MLANA: variants seen among roughly 807,000 people sequenced by gnomAD.
The protein encoded by MLANA is melanoma antigen recognized by T-cells 1.
A neutral mutation model predicts 15.7 loss-of-function variants in MLANA; 21 were observed. The ratio of observed to expected loss-of-function variants is 1.33; its 90% CI spans 0.95 to 1.92. The LOEUF is 1.92. MLANA is among the 40% of genes most tolerant of loss of function. MLANA has a pLI of 0.00. For missense variants in MLANA, 164 were observed against 143.8 expected, an observed-to-expected ratio of 1.14 and a Z score of -0.72; for synonymous variants, 56 against 51.5, an observed-to-expected ratio of 1.09 and a Z score of -0.37.
chr9:5,906,161 G>A (rs1431702942), intron 3 of MLANA, among the ~76,000 whole-genome samples: 60 of 150,052 alleles, frequency 4.0e-4, no homozygotes, highest in African/African-American at 1.4e-3. Context: ...GACCAGCCTA[G>A]GCAACTTAGC....
Position 5,908,257 on chromosome 9 carries a change from T to C in MLANA, c.289-383T>C, listed in dbSNP as rs74532205. Among the ~76,000 whole-genome samples the C allele has an allele frequency of 7.5e-3, 1,144 of 152,336 alleles. 15 individuals are homozygous for C. Among genetic ancestry groups the C allele is most frequent in the African/African-American group, 0.026 (1,096 of 41,568 alleles). The stretch of plus-strand genomic sequence containing the variant: ...GGATACAATATCCTCTTGTTTTATA[T>C]TTGGTAGTATCAATGTGCCTTTAGA... On this transcript the variant is annotated intron_variant, in intron 4 of 4. Transcript: ENST00000381477.
intron 1 of MLANA, 80 bp from the exon 2 acceptor site, chr9:5,892,370 A>G (rs1039870984): frequency 1.0e-6 from 1 of 954,052 alleles, no homozygotes; most frequent in South Asian, 1.9e-5. Flanking sequence ...CCTAGTGAGG[A>G]TGCTGTTGTG....
intron 3 of MLANA, among the ~76,000 whole-genome samples, chr9:5,898,542 G>T (rs1832196758): frequency 6.6e-6 from 1 of 152,148 alleles, no homozygotes; most frequent in African/African-American, 2.4e-5. Flanking sequence ...TATAGCACCT[G>T]TCTCTTTGGT....
intron 3 of MLANA, among the ~76,000 whole-genome samples, chr9:5,905,123 T>A (rs79799070): frequency 2.0e-5 from 3 of 152,266 alleles, no homozygotes; most frequent in East Asian, 3.9e-4. Flanking sequence ...GTTTGCAACA[T>A]ACATTTACAA....
chr9:5,893,806 C>T (rs191965915), intron 2 of MLANA, among the ~76,000 whole-genome samples: 64 of 152,264 alleles, frequency 4.2e-4, no homozygotes, highest in African/African-American at 1.5e-3. Context: ...GATGTTGTGC[C>T]ATCACCTCCA....
intron 3 of MLANA, among the ~76,000 whole-genome samples, chr9:5,906,193 A>T (rs918910176): frequency 6.6e-6 from 1 of 151,296 alleles, no homozygotes; most frequent in African/African-American, 2.4e-5. Context: ...TCTTAAAAAA[A>T]AAAAAAGAAA....
chr9:5,907,871 T>C (rs552660386), intron 4 of MLANA, among the ~76,000 whole-genome samples: 1 of 152,334 alleles, frequency 6.6e-6, no homozygotes, highest in African/African-American at 2.4e-5. Context: ...GAGAATCACT[T>C]GAACCCGGGA....
intron 1 of MLANA, 49 bp from the exon 2 acceptor site, chr9:5,892,401 T>C (rs1831712226): frequency 3.0e-6 from 4 of 1,352,962 alleles, no homozygotes; most frequent in Non-Finnish European, 4.1e-6. Context: ...AGATGATGAA[T>C]AGGGTGGCTT....
At position 5,897,569 on chromosome 9, in the gene MLANA, C is replaced by T. The variant is rs756181750; in HGVS notation, c.90C>T (p.Ile30=). The T allele has an allele frequency of 2.4e-5, 39 of 1,613,980 alleles. No individual in the cohort carries two copies. The South Asian group carries it at 2.7e-4, about 11-fold the overall frequency. The part of the protein sequence containing the change: ...SYTTAEEAAG[I]GILTVILGVL... Reference sequence around the variant, plus strand: ...TCTCTTGGGCCAGGGCCGCTGGGATCGGCATCCTGACAGTGATCCTGGGAG... The same window carrying T: ...TCTCTTGGGCCAGGGCCGCTGGGATTGGCATCCTGACAGTGATCCTGGGAG... Residue 30 remains isoleucine, a synonymous_variant, in exon 3 of 5, where the codon ATC becomes ATT. Coordinates refer to ENST00000381477, the MANE Select transcript of MLANA (RefSeq NM_005511.2).
In MLANA at chr9:5,894,061, G is replaced by A. The variant is rs1487185572; in HGVS notation, c.77+1510G>A. ...TTGCCTCCAGAGTCCATGCTCTTAA[G>A]TGTTATGCTGCAGGCCAGCAGAGGC... is the stretch of plus-strand genomic sequence containing the variant. On this transcript the variant is annotated intron_variant, in intron 2 of 4. Transcript: ENST00000381477. This position sits in a 1 kb window ranked among gnomAD's most constrained non-coding sequence, Gnocchi z 4.0. Among the ~76,000 whole-genome samples the A allele has an allele frequency of 6.6e-6, 1 of 152,172 alleles. No homozygotes were observed. The highest frequency in any genetic ancestry group is 1.5e-5 in the Non-Finnish European group (1 of 68,030).
rs1333442535 is a variant in MLANA at position 5,892,567 on chromosome 9, G to C, written c.77+16G>C. The C allele has an allele frequency of 6.8e-6, 11 of 1,609,478 alleles. No homozygotes were observed. Among genetic ancestry groups the C allele is most frequent in the South Asian group, 2.2e-5 (2 of 90,218 alleles). On this transcript the variant is annotated intron_variant, in intron 2 of 4. Transcript: ENST00000381477. Reference sequence around the variant, plus strand: ...CGGCTGAAGAGTAAGTTCAAAACCAGACCCAGCAGGGCTTCCAGTTTGCCG... The same window carrying C: ...CGGCTGAAGAGTAAGTTCAAAACCACACCCAGCAGGGCTTCCAGTTTGCCG...
At chr9:5,904,052 T>G (rs575702844) in intron 3 of MLANA, among the ~76,000 whole-genome samples, 2 of 152,304 alleles carry the variant, frequency 1.3e-5, no homozygotes, top group South Asian at 4.1e-4. Context: ...GAGATGGGGT[T>G]TCACCATGTT....
intron 4 of MLANA, 89 bp from the exon 5 acceptor site, chr9:5,908,551 A>C: frequency 8.7e-7 from 1 of 1,147,502 alleles, no homozygotes; most frequent in Non-Finnish European, 1.3e-6. Context: ...CAGGGAAAGT[A>C]TAAATATGTT....
chr9:5,892,619 A>G, intron 2 of MLANA, 68 bp downstream of exon 2: 2 of 1,300,826 alleles, frequency 1.5e-6, no homozygotes, highest in East Asian at 2.4e-5. Flanking sequence ...GCTGACTTCC[A>G]CCAGTACATG....
At position 5,909,958 on chromosome 9, in the gene MLANA, A is replaced by T. The variant is rs1833064690; in HGVS notation, c.*1250A>T. On this transcript the variant is annotated 3_prime_UTR_variant, in exon 5 of 5. Coordinates refer to ENST00000381477, the MANE Select transcript of MLANA (RefSeq NM_005511.2). Reference sequence around the variant, plus strand: ...TAAACTTTTTTTGGCTTTAATTCCTATTGCCATCCTGAGTGGAAAACCAGT... The same window carrying T: ...TAAACTTTTTTTGGCTTTAATTCCTTTTGCCATCCTGAGTGGAAAACCAGT... The T allele has an allele frequency of 1.3e-5, 2 of 152,246 alleles. No homozygotes were observed. Among genetic ancestry groups the T allele is most frequent in the African/African-American group, 4.8e-5 (2 of 41,470 alleles). The allele number at this position is 152,246 out of a possible 1,614,324, so 9.4% of individuals were successfully genotyped here. A position where few individuals can be genotyped will look rare whatever the true frequency, so the allele number is the denominator to read the frequency against.
chr9:5,894,714 G>C lies in MLANA; in HGVS notation c.77+2163G>C, dbSNP rs544667018. Among the ~76,000 whole-genome samples the C allele has an allele frequency of 9.2e-5, 14 of 152,300 alleles. No homozygotes were observed. Among genetic ancestry groups the C allele is most frequent in the South Asian group, 4.1e-4 (2 of 4,824 alleles). ...AGCATTGCTGGGGTGATCCTGACAGGAGCCAGAAGCACACTGGAAGGAGCT... is the reference window on the plus strand; with the variant it reads ...AGCATTGCTGGGGTGATCCTGACAGCAGCCAGAAGCACACTGGAAGGAGCT... On this transcript the variant is annotated intron_variant, in intron 2 of 4. Coordinates refer to ENST00000381477, the MANE Select transcript of MLANA (RefSeq NM_005511.2). The surrounding 1 kb of genome is among the most constrained non-coding windows in gnomAD (Gnocchi z 4.0).
At chr9:5,901,756 A>G (rs1386717211) in intron 3 of MLANA, among the ~76,000 whole-genome samples, 1 of 152,074 alleles carries the variant, frequency 6.6e-6, no homozygotes. Flanking sequence ...TCCTGAGCAC[A>G]AGCAATCCAC....
In MLANA at chr9:5,894,501, G is replaced by A. The variant is rs1334418501; in HGVS notation, c.77+1950G>A. On this transcript the variant is annotated intron_variant, in intron 2 of 4. Coordinates refer to ENST00000381477, the MANE Select transcript of MLANA (RefSeq NM_005511.2). This position sits in a 1 kb window ranked among gnomAD's most constrained non-coding sequence, Gnocchi z 4.0. ...GGGAGGAGGGACGCCACAGAAATGGGACCCAGATCTCTAAGGAGAGATTTT... is the reference window on the plus strand; with the variant it reads ...GGGAGGAGGGACGCCACAGAAATGGAACCCAGATCTCTAAGGAGAGATTTT... Among the ~76,000 whole-genome samples, 1 of 152,124 alleles carries A rather than the reference G, an allele frequency of 6.6e-6. No homozygotes were observed. The highest frequency in any genetic ancestry group is 1.5e-5 in the Non-Finnish European group (1 of 68,026).
In MLANA at chr9:5,898,674, A is replaced by G. The variant is rs552915321; in HGVS notation, c.174+1021A>G. On this transcript the variant is annotated intron_variant, in intron 3 of 4. Transcript: ENST00000381477. ...CAAACAGGAGTATATTAGACACCTC[A>G]GGTTTTACCACTTCTGGGAATTCTT... Among the ~76,000 whole-genome samples, 3 of 152,320 alleles carry G rather than the reference A, an allele frequency of 2.0e-5. No individual in the cohort carries two copies. The South Asian group carries it at 6.2e-4, about 32-fold the overall frequency.
Sources: allele counts gnomAD v4.1 joint callset (sites outside exome capture counted in the v4.1 genomes callset), GRCh38; gene constraint gnomAD v4.1.1; non-coding constraint Gnocchi (gnomAD v3.1); transcripts MANE v1.5; gene names NCBI Gene and HGNC (gene_info 2026-07-23, HGNC 2026-07-21).